The following GRK3 variants were observed in gnomAD, a reference collection of about 807,000 sequenced individuals.
The protein encoded by GRK3 is G protein-coupled receptor kinase 3.
A neutral mutation model predicts 95.7 loss-of-function variants in GRK3; 54 were observed. The observed-to-expected ratio is 0.56, with a 90% CI of 0.45 to 0.71. The LOEUF is 0.71. GRK3 is among the 30% of genes least tolerant of loss of function. The pLI, the probability that GRK3 is intolerant of heterozygous loss-of-function variation, is 0.00. For synonymous variants in GRK3, 281 were observed against 290.8 expected, an observed-to-expected ratio of 0.97 and a Z score of 0.34; for missense variants, 649 against 851.2, an observed-to-expected ratio of 0.76 and a Z score of 2.96.
chr22:25,726,956 T>C lies in GRK3; in HGVS notation c.*4506T>C, dbSNP rs866442086. The C allele has an allele frequency of 7.2e-4, 107 of 149,188 alleles. 1 individual carries two copies. In the Middle Eastern group the frequency reaches 0.014, roughly 19 times the overall value. The allele number at this position is 149,188 out of a possible 1,614,324, so 9.2% of individuals were successfully genotyped here. A position where few individuals can be genotyped will look rare whatever the true frequency, so the allele number is the denominator to read the frequency against. ...GTGTGTGTGTGTGTGTGTGTGTGTG[T>C]GCACTTTGCAGCCCCCGAGGTGGAG... On this transcript the variant is annotated 3_prime_UTR_variant, in exon 21 of 21. Coordinates refer to ENST00000324198, the MANE Select transcript of GRK3 (RefSeq NM_005160.4).
chr22:25,633,800 TTTGG>T (rs1395474008), intron 2 of GRK3, among the ~76,000 whole-genome samples: 1 of 152,196 alleles, frequency 6.6e-6, no homozygotes, highest in Non-Finnish European at 1.5e-5. Flanking sequence ...ATTTTAATGC[TTTGG>T]TTGGTCAAAC....
At chr22:25,699,942 C>G (rs1001928150) in intron 13 of GRK3, among the ~76,000 whole-genome samples, 1 of 152,190 alleles carries the variant, frequency 6.6e-6, no homozygotes, top group East Asian at 1.9e-4. Context: ...CCGTGATCTG[C>G]CCGCCTCGGC....
At chr22:25,714,273 C>T (rs760712773) in intron 17 of GRK3, 135 bp from the exon 18 acceptor site, 25 of 669,566 alleles carry the variant, frequency 3.7e-5, no homozygotes, top group African/African-American at 5.5e-5. Context: ...GAACCTGCCT[C>T]GAAATGATTA....
intron 1 of GRK3, among the ~76,000 whole-genome samples, chr22:25,597,130 T>C (rs1284101243): frequency 6.6e-6 from 1 of 152,184 alleles, no homozygotes; most frequent in African/African-American, 2.4e-5. Context: ...GATTTATAAT[T>C]AGGGTCTCAT....
In GRK3 at chr22:25,564,988, C is replaced by G. The variant is rs1388403428; in HGVS notation, c.-53C>G. ...GCGGCGGGCGGCGGCGGCGGGCGCG[C>G]GTCCCGTCCAGGTCCGGAGTAACCG... On this transcript the variant is annotated 5_prime_UTR_variant, in exon 1 of 21. Transcript: ENST00000324198. 3.1e-6 allele frequency: 2 copies of G among 652,380 alleles called. No homozygotes were observed. Among genetic ancestry groups the G allele is most frequent in the Non-Finnish European group, 4.1e-6 (2 of 489,846 alleles). The allele number at this position is 652,380 out of a possible 1,614,324, so 40.4% of individuals were successfully genotyped here. A position where few individuals can be genotyped will look rare whatever the true frequency, so the allele number is the denominator to read the frequency against.
chr22:25,707,001 T>C (rs950622259), intron 15 of GRK3, among the ~76,000 whole-genome samples: 1 of 151,918 alleles, frequency 6.6e-6, no homozygotes. Flanking sequence ...TTTTTTTTTT[T>C]TATAGAGAAG....
At chr22:25,684,011 A>C (rs76277391) in intron 9 of GRK3, among the ~76,000 whole-genome samples, 408 of 152,350 alleles carry the variant, frequency 2.7e-3, no homozygotes, top group African/African-American at 9.3e-3. Flanking sequence ...TTAAATCTAC[A>C]TCAGCTGGAA....
chr22:25,677,377 T>TAAAA (rs376997700), intron 8 of GRK3, among the ~76,000 whole-genome samples: 23 of 42,518 alleles, frequency 5.4e-4, no homozygotes, highest in African/African-American at 9.2e-4. Flanking sequence ...CCCCATATCT[T>TAAAA]AAAAAAAAAA....
At chr22:25,648,924 C>T in intron 3 of GRK3, 1 of 879,052 alleles carries the variant, frequency 1.1e-6, no homozygotes, top group African/African-American at 1.6e-5. Flanking sequence ...ATGGACAGCT[C>T]CTGAAGTTGC....
intron 13 of GRK3, among the ~76,000 whole-genome samples, chr22:25,701,667 C>G (rs1337373032): frequency 6.6e-6 from 1 of 152,150 alleles, no homozygotes; most frequent in Non-Finnish European, 1.5e-5. Flanking sequence ...GCAAGTACAT[C>G]GGGACCAGAT....
At chr22:25,671,907 G>C (rs79702800) in intron 6 of GRK3, among the ~76,000 whole-genome samples, 1,901 of 152,290 alleles carry the variant, frequency 0.012, 27 homozygotes, top group Middle Eastern at 0.065. Context: ...AGATTTCAAA[G>C]ACTTAATATA....
chr22:25,603,507 C>G (rs560916851), intron 1 of GRK3, among the ~76,000 whole-genome samples: 1 of 152,188 alleles, frequency 6.6e-6, no homozygotes, highest in East Asian at 1.9e-4. Flanking sequence ...TTTGTTTATC[C>G]TGTCTTTATT....
Position 25,604,384 on chromosome 22 carries a change from A to G in GRK3, c.121A>G (p.Ser41Gly). 1.9e-6 allele frequency: 3 copies of G among 1,609,650 alleles called. No individual in the cohort carries two copies. Among genetic ancestry groups the G allele is most frequent in the Admixed American group, 1.7e-5 (1 of 58,896 alleles). The part of the protein sequence containing the change: ...RIVLPEPSIR[S>G]VMQKYLAERN... ...GTCACTCTTCCCTTCCAGTATCCGG[A>G]GTGTGATGCAGAAGTACCTTGCAGA... is the stretch of plus-strand genomic sequence containing the variant. The change falls in exon 2 of 21, where the codon AGT (serine) becomes GGT (glycine). Residue 41 changes from serine (S) to glycine (G), a missense_variant. Ser to Gly is a moderately conservative substitution (Grantham distance 56, BLOSUM62 0). Coordinates refer to ENST00000324198, the MANE Select transcript of GRK3 (RefSeq NM_005160.4).
At chr22:25,656,515 T>C (rs1418256077) in intron 3 of GRK3, among the ~76,000 whole-genome samples, 4 of 152,056 alleles carry the variant, frequency 2.6e-5, no homozygotes, top group Non-Finnish European at 4.4e-5. Context: ...TTTGTAGAGA[T>C]GAGGTCTCAC....
chr22:25,652,801 G>T (rs901940604), intron 3 of GRK3, among the ~76,000 whole-genome samples: 1 of 152,094 alleles, frequency 6.6e-6, no homozygotes, highest in African/African-American at 2.4e-5. Flanking sequence ...TAAAAGGTAC[G>T]TATATTCAAA....
In GRK3 at chr22:25,721,270, G is replaced by A. The variant is rs1257924499; in HGVS notation, c.1792-14G>A. ...AAAATAATTTGAATTTTAAATTTCT[G>A]TTTTTATGGTTAGCAAAATTTACTG... On this transcript the variant is annotated splice_polypyrimidine_tract_variant and intron_variant, in intron 19 of 20. Transcript: ENST00000324198. The A allele has an allele frequency of 7.1e-6, 10 of 1,409,794 alleles. No individual in the cohort carries two copies. The highest frequency in any genetic ancestry group is 2.4e-5 in the East Asian group (1 of 42,016). The allele number at this position is 1,409,794 out of a possible 1,614,324, so 87.3% of individuals were successfully genotyped here. A position where few individuals can be genotyped will look rare whatever the true frequency, so the allele number is the denominator to read the frequency against.
intron 14 of GRK3, among the ~76,000 whole-genome samples, chr22:25,703,821 G>A (rs1463223220): frequency 6.6e-6 from 1 of 152,166 alleles, no homozygotes; most frequent in East Asian, 1.9e-4. Context: ...ACAGTATGAG[G>A]AAGCTAAAGA....
At chr22:25,684,101 G>A (rs918540017) in intron 9 of GRK3, among the ~76,000 whole-genome samples, 5 of 152,232 alleles carry the variant, frequency 3.3e-5, no homozygotes, top group Non-Finnish European at 7.3e-5. Flanking sequence ...CAGCACCACT[G>A]ATTGAATAGA....
rs1236677742 is a variant in GRK3, at chr22:25,685,176, C to T, written c.754C>T (p.Pro252Ser). The T allele has an allele frequency of 3.7e-6, 6 of 1,610,974 alleles. No individual in the cohort carries two copies. The highest frequency in any genetic ancestry group is 5.1e-6 in the Non-Finnish European group (6 of 1,177,234). Reference protein sequence around the residue: ...MLSLVSTGDCPFIVCMTYAFH... With the variant: ...MLSLVSTGDCSFIVCMTYAFH... ...TTTTATTGTTTCACTCTAGGACTGTCCTTTCATTGTATGTATGACCTATGC... is the reference window on the plus strand; with the variant it reads ...TTTTATTGTTTCACTCTAGGACTGTTCTTTCATTGTATGTATGACCTATGC... Residue 252 changes from proline to serine, a missense_variant, in exon 10 of 21, where the codon CCT (proline) becomes TCT (serine). By Grantham distance (74) the Pro-to-Ser change is moderately conservative. Around this residue, in one of 3 missense-constraint regions of GRK3, gnomAD observed 61 missense variants for 126.0 expected, o/e 0.48. Coordinates refer to ENST00000324198, the MANE Select transcript of GRK3 (RefSeq NM_005160.4).
Sources: gnomAD v4.1 joint callset for allele counts (sites outside exome capture counted in the v4.1 genomes callset) on GRCh38, gnomAD v4.1.1 for gene constraint, gnomAD v4.1.1 regional missense constraint, MANE v1.5 for transcripts, NCBI Gene and HGNC (gene_info 2026-07-23, HGNC 2026-07-21) for gene names.